INTS3: variants seen among roughly 807,000 people sequenced by gnomAD.
INTS3 encodes the protein integrator complex subunit 3, also known as SOSS complex subunit A.
In INTS3, 34 loss-of-function variants were observed where a neutral mutation model predicts 146.3. The ratio of observed to expected loss-of-function variants is 0.23; its 90% confidence interval spans 0.18 to 0.31. The LOEUF is 0.31. Ranked by LOEUF, INTS3 falls within the 10% of genes least tolerant of loss-of-function variation. The probability of loss-of-function intolerance (pLI) is 1.00; values close to 1 mark genes in which losing one functional copy is unlikely to be tolerated. For missense variants in INTS3, 757 were observed against 1,304.2 expected (o/e 0.58, Z 6.46); for synonymous variants, 475 against 494.9 (o/e 0.96, Z 0.53).
Position 153,740,742 on chromosome 1 carries a change from G to A in INTS3, c.234+8G>A. The A allele has an allele frequency of 6.2e-7, 1 of 1,603,030 alleles. No individual in the cohort carries two copies. Among genetic ancestry groups the A allele is most frequent in the Non-Finnish European group, 8.5e-7 (1 of 1,170,078 alleles). ...GATGCCCTCAATGCGTATGTAAGTA[G>A]AATGCTGTCCCTGCAGCCACTGCTG... On this transcript the variant is annotated splice_region_variant and intron_variant, in intron 2 of 29. Transcript: ENST00000318967.
At chr1:153,760,104 C>T in intron 11 of INTS3, 3 of 587,312 alleles carry the variant, frequency 5.1e-6, no homozygotes, top group Non-Finnish European at 9.1e-6. Flanking sequence ...TGGTGGCGCA[C>T]ACCTGTAATT....
In INTS3 at chr1:153,762,735, T is replaced by C. The variant is rs758437931; in HGVS notation, c.1524T>C (p.Ile508=). The part of the protein sequence containing the change: ...SSPSPPVEVK[I]EEPVSMEMDN... ...TCTTTTTTTACTCCCAAGTCAAAAT[T>C]GAGGAGCCAGTTTCCATGGAGATGG... The change falls in exon 15 of 30, where the codon ATT becomes ATC. Residue 508 remains isoleucine, a synonymous_variant. Coordinates refer to ENST00000318967, the MANE Select transcript of INTS3 (RefSeq NM_023015.5). 6.2e-7 allele frequency: 1 copy of C among 1,614,142 alleles called. No homozygotes were observed. The highest frequency in any genetic ancestry group is 1.1e-5 in the South Asian group (1 of 91,078).
rs780809987 is a variant in INTS3 at position 153,772,467 on chromosome 1, T to C, written c.2821+27T>C. ...TATGCCTTCCACCCTCGGCGTCCAG[T>C]GTAGACGGTGCTGCCCTGGCCCAGA... On this transcript the variant is annotated intron_variant, in intron 27 of 29. Transcript: ENST00000318967. This position sits in a 1 kb window ranked among gnomAD's most constrained non-coding sequence, Gnocchi z 4.6. 2.5e-6 allele frequency: 4 copies of C among 1,614,070 alleles called. No individual in the cohort carries two copies. The highest frequency in any genetic ancestry group is 3.4e-6 in the Non-Finnish European group (4 of 1,180,006).
intron 1 of INTS3, among the ~76,000 whole-genome samples, chr1:153,735,088 C>T (rs1671239309): frequency 6.6e-6 from 1 of 152,122 alleles, no homozygotes; most frequent in Non-Finnish European, 1.5e-5. Context: ...CCACTTCAGC[C>T]TCCCAAGTAG....
chr1:153,754,091 A>G (rs914424086), intron 8 of INTS3, among the ~76,000 whole-genome samples: 1 of 151,546 alleles, frequency 6.6e-6, no homozygotes, highest in African/African-American at 2.4e-5. Context: ...GTGAGCCACC[A>G]TGCTGGTCTT....
chr1:153,754,185 A>T (rs565372827), intron 8 of INTS3, among the ~76,000 whole-genome samples: 1 of 152,274 alleles, frequency 6.6e-6, no homozygotes, highest in South Asian at 2.1e-4. Flanking sequence ...CTCACGCATG[A>T]GTGTGAAAAA....
chr1:153,768,291 G>C (rs1253486891), intron 21 of INTS3, among the ~76,000 whole-genome samples: 1 of 152,180 alleles, frequency 6.6e-6, no homozygotes, highest in Non-Finnish European at 1.5e-5. Flanking sequence ...ACAGGTATCG[G>C]CCCTTTCTCC....
Position 153,762,782 on chromosome 1 carries a change from A to T in INTS3, c.1571A>T (p.Asp524Val), listed in dbSNP as rs1318776954. 1.2e-6 allele frequency: 2 copies of T among 1,614,154 alleles called. No individual in the cohort carries two copies. Among genetic ancestry groups the T allele is most frequent in the Non-Finnish European group, 8.5e-7 (1 of 1,180,020 alleles). ...MEMDNHMSDK[D>V]ESCYDNAEAA... ...ATGGACAACCATATGTCGGATAAGG[A>T]TGAGAGTTGCTATGACAATGCAGAG... Residue 524 changes from aspartate to valine, a missense_variant, in exon 15 of 30, where the codon GAT becomes GTT. By Grantham distance (152) the Asp-to-Val change is radical. Around this residue, in one of 8 missense-constraint regions of INTS3, gnomAD observed 97 missense variants for 113.6 expected, o/e 0.85. Coordinates refer to ENST00000318967, the MANE Select transcript of INTS3 (RefSeq NM_023015.5).
Position 153,764,702 on chromosome 1 carries a change from GTC to G in INTS3, c.1940_1941del (p.Ser647CysfsTer10). Reference sequence around the variant, plus strand: ...CCTCTTCTTGTAGGTCCCTGGAGGAGTCTGTAGGAAAGCCTCTGTACCTAATA... The same window carrying G: ...CCTCTTCTTGTAGGTCCCTGGAGGAGTGTAGGAAAGCCTCTGTACCTAATA... ...EEITEESLEE[S>X]VGKPLYLIFR... On this transcript the variant is annotated frameshift_variant, in exon 19 of 30. Transcript: ENST00000318967. LOFTEE classifies it high-confidence loss of function. The G allele has an allele frequency of 6.2e-7, 1 of 1,609,684 alleles. No homozygotes were observed. Among genetic ancestry groups the G allele is most frequent in the Non-Finnish European group, 8.5e-7 (1 of 1,175,982 alleles).
chr1:153,738,405 T>C (rs1397055220), intron 1 of INTS3, among the ~76,000 whole-genome samples: 2 of 152,232 alleles, frequency 1.3e-5, no homozygotes, highest in African/African-American at 4.8e-5. Context: ...TTAAGCATTT[T>C]TGACAGGCCA....
intron 1 of INTS3, among the ~76,000 whole-genome samples, chr1:153,732,123 G>A (rs571639126): frequency 4.0e-4 from 61 of 151,474 alleles, no homozygotes; most frequent in Middle Eastern, 6.9e-3. Context: ...GGCTGGTCTC[G>A]AACTCCTGAC....
At position 153,768,900 on chromosome 1, in the gene INTS3, A is replaced by G; in HGVS notation, c.2252A>G (p.Asp751Gly). Residue 751 changes from aspartate to glycine, a missense_variant, in exon 22 of 30, where the codon GAT (aspartate) becomes GGT (glycine). Physicochemically the swap from Asp to Gly is moderately conservative, Grantham distance 94. This residue lies in a region of INTS3 where 116 missense variants were observed against 226.5 expected (regional missense o/e 0.51). Coordinates refer to ENST00000318967, the MANE Select transcript of INTS3 (RefSeq NM_023015.5). The stretch of plus-strand genomic sequence containing the variant: ...CTCTCTTTTTCCATTTAGTTTCCAG[A>G]TGAAACCTTGAGGAGCGGAGAGCTG... ...LTPSIYTEFP[D>G]ETLRSGELLN... is the part of the protein sequence containing the mutation. 1 of 1,613,776 alleles carries G rather than the reference A, an allele frequency of 6.2e-7. No individual in the cohort carries two copies. Among genetic ancestry groups the G allele is most frequent in the Non-Finnish European group, 8.5e-7 (1 of 1,179,760 alleles).
At chr1:153,762,869 A>C (rs777715251) in intron 15 of INTS3, 22 bp downstream of exon 15, 2 of 1,613,212 alleles carry the variant, frequency 1.2e-6, no homozygotes, top group East Asian at 4.5e-5. Flanking sequence ...AGCAAGGGCT[A>C]GTTCAGGGTT....
intron 1 of INTS3, among the ~76,000 whole-genome samples, chr1:153,731,007 G>A (rs1211105630): frequency 3.9e-5 from 6 of 151,970 alleles, no homozygotes. Context: ...TTCTGGCTTG[G>A]TTATTTTCCC....
At position 153,773,341 on chromosome 1, in the gene INTS3, G is replaced by A. The variant is rs1558013603; in HGVS notation, c.*71G>A. 3.6e-6 allele frequency: 5 copies of A among 1,394,562 alleles called. No individual in the cohort carries two copies. The East Asian group carries it at 6.9e-5, about 19-fold the overall frequency. The allele number at this position is 1,394,562 out of a possible 1,614,324, so 86.4% of individuals were successfully genotyped here. On this transcript the variant is annotated 3_prime_UTR_variant, in exon 30 of 30. Coordinates refer to ENST00000318967, the MANE Select transcript of INTS3 (RefSeq NM_023015.5). ...TCTTGGTGATTCAAAGGTTAATAGA[G>A]GCTGAGGAGATTGCAGGGGAAACAC...
chr1:153,764,864 C>A, intron 19 of INTS3, 80 bp from the exon 20 acceptor site: 1 of 1,580,418 alleles, frequency 6.3e-7, no homozygotes, highest in Non-Finnish European at 8.7e-7. Flanking sequence ...GCACAGACAG[C>A]CCATGCCACC....
intron 6 of INTS3, 103 bp from the exon 7 acceptor site, chr1:153,750,992 A>G: frequency 8.4e-7 from 1 of 1,195,158 alleles, no homozygotes; most frequent in Non-Finnish European, 1.2e-6. Context: ...GTGTCAAATC[A>G]TCAATTATTT....
intron 3 of INTS3, among the ~76,000 whole-genome samples, chr1:153,746,464 G>T (rs188434014): frequency 6.6e-6 from 1 of 151,628 alleles, no homozygotes; most frequent in South Asian, 2.1e-4. Context: ...GCAGTGGCGC[G>T]ATCTCCGCTC....
At chr1:153,738,151 TGTAGTG>T (rs1178265432) in intron 1 of INTS3, among the ~76,000 whole-genome samples, 1 of 152,042 alleles carries the variant, frequency 6.6e-6, no homozygotes, top group Non-Finnish European at 1.5e-5. Context: ...CAGGCTGGAG[TGTAGTG>T]GTACCATCAT....
Sources: gnomAD v4.1 joint callset for allele counts (sites outside exome capture counted in the v4.1 genomes callset) on GRCh38, gnomAD v4.1.1 for gene constraint, gnomAD v4.1.1 regional missense constraint, Gnocchi (gnomAD v3.1) non-coding constraint, MANE v1.5 for transcripts, NCBI Gene and HGNC (gene_info 2026-07-23, HGNC 2026-07-21) for gene names.